Variants in MERTK observed in about 807,000 individuals in gnomAD.
MERTK encodes the protein MER proto-oncogene, tyrosine kinase, also known as tyrosine-protein kinase Mer.
A neutral mutation model predicts 99.3 loss-of-function variants in MERTK; 69 were observed. The observed-to-expected ratio is 0.70, with a 90% CI of 0.57 to 0.85. MERTK has a LOEUF of 0.85. Among genes scored for constraint, MERTK ranks in the 40% least tolerant of loss-of-function variants. The pLI is 0.00. For missense variants in MERTK, 1,125 were observed against 1,249.4 expected (o/e 0.90, Z 1.50); for synonymous variants, 426 against 467.6 (o/e 0.91, Z 1.15).
chr2:111,997,537 AT>A, intron 10 of MERTK, 61 bp downstream of exon 10: 1 of 1,581,374 alleles, frequency 6.3e-7, no homozygotes, highest in South Asian at 1.1e-5. Flanking sequence ...ATACCAAGTG[AT>A]TATGCCTTTC....
intron 2 of MERTK, among the ~76,000 whole-genome samples, chr2:111,935,132 T>C (rs1432538868): frequency 2.0e-5 from 3 of 152,204 alleles, no homozygotes; most frequent in Non-Finnish European, 4.4e-5. Flanking sequence ...AATAGAGATA[T>C]TGTAAAAATC....
intron 8 of MERTK, among the ~76,000 whole-genome samples, chr2:111,990,945 A>T (rs1296710724): frequency 6.6e-6 from 1 of 152,066 alleles, no homozygotes; most frequent in African/African-American, 2.4e-5. Flanking sequence ...TTATTTTGAG[A>T]TGATTCTCTC....
At chr2:111,921,053 G>A (rs1323068599) in intron 1 of MERTK, among the ~76,000 whole-genome samples, 1 of 152,186 alleles carries the variant, frequency 6.6e-6, no homozygotes, top group Admixed American at 6.5e-5. Context: ...CTAGCTGTGG[G>A]GGTAAAGGGA....
At chr2:111,942,135 C>G (rs1362309223) in intron 2 of MERTK, among the ~76,000 whole-genome samples, 2 of 152,222 alleles carry the variant, frequency 1.3e-5, no homozygotes, top group African/African-American at 4.8e-5. Flanking sequence ...AGCTGCAAGC[C>G]TGCTGCCACT....
At chr2:111,993,941 G>T (rs1676682541) in intron 8 of MERTK, among the ~76,000 whole-genome samples, 1 of 152,170 alleles carries the variant, frequency 6.6e-6, no homozygotes, top group Admixed American at 6.5e-5. Flanking sequence ...GAGGAGTCAG[G>T]CTTGCTCTGC....
intron 1 of MERTK, among the ~76,000 whole-genome samples, chr2:111,913,688 C>T (rs1684293442): frequency 1.3e-5 from 2 of 152,104 alleles, no homozygotes; most frequent in South Asian, 2.1e-4. Flanking sequence ...GGATTACAGG[C>T]GCATGCCACC....
chr2:112,000,013 G>C (rs1341055931), intron 10 of MERTK, among the ~76,000 whole-genome samples: 2 of 152,066 alleles, frequency 1.3e-5, no homozygotes, highest in Admixed American at 6.6e-5. Context: ...TCGCAAGGGT[G>C]GGGGAATACC....
At position 111,928,777 on chromosome 2, in the gene MERTK, C is replaced by T. The variant is rs114927036; in HGVS notation, c.62-343C>T. 6.5e-3 allele frequency among the ~76,000 whole-genome samples: 988 copies of T among 152,304 alleles called. 13 individuals are homozygous for T. Among genetic ancestry groups the T allele is most frequent in the African/African-American group, 0.023 (946 of 41,556 alleles). ...CCAAGATTACAGGTGTGAGCCACCGCGCCTGGCCAAGAAAAGTGACCTTGA... is the reference window on the plus strand; with the variant it reads ...CCAAGATTACAGGTGTGAGCCACCGTGCCTGGCCAAGAAAAGTGACCTTGA... On this transcript the variant is annotated intron_variant, in intron 1 of 18. Transcript: ENST00000295408.
rs561402637 is a variant in MERTK, at chr2:111,940,201, C to T, written c.483-4759C>T. ...ACTCAATTTTCTGGGATTCCTCCCC[C>T]GAGAATGTGATATATTGATTTCCAA... On this transcript the variant is annotated intron_variant, in intron 2 of 18. Transcript: ENST00000295408. 7 of 199,420 alleles carry T rather than the reference C, an allele frequency of 3.5e-5. No homozygotes were observed. In the South Asian group the frequency reaches 6.5e-4, roughly 18 times the overall value. The allele number at this position is 199,420 out of a possible 1,614,324, so 12.4% of individuals were successfully genotyped here. A position where few individuals can be genotyped will look rare whatever the true frequency, so the allele number is the denominator to read the frequency against.
intron 10 of MERTK, among the ~76,000 whole-genome samples, chr2:112,000,269 C>T (rs1676842861): frequency 6.6e-6 from 1 of 152,234 alleles, no homozygotes; most frequent in African/African-American, 2.4e-5. Flanking sequence ...ACATTTGTTA[C>T]AGTTAATGAG....
At chr2:111,941,957 G>A (rs1684873242) in intron 2 of MERTK, among the ~76,000 whole-genome samples, 1 of 152,194 alleles carries the variant, frequency 6.6e-6, no homozygotes, top group Non-Finnish European at 1.5e-5. Flanking sequence ...TCCAGGGTGA[G>A]CTGCCAGACG....
intron 1 of MERTK, among the ~76,000 whole-genome samples, chr2:111,911,550 A>T (rs1311222925): frequency 6.6e-6 from 1 of 151,732 alleles, no homozygotes; most frequent in East Asian, 2.0e-4. Flanking sequence ...CACCATGCCC[A>T]GCTAATTTTT....
intron 7 of MERTK, 61 bp downstream of exon 7, chr2:111,975,533 CCCAGTGG>C: frequency 6.4e-7 from 1 of 1,554,702 alleles, no homozygotes; most frequent in Non-Finnish European, 8.9e-7. Flanking sequence ...ACAAACCCTT[CCCAGTGG>C]CCTGACTGAG....
At chr2:111,963,269 G>A (rs1685287468) in intron 4 of MERTK, among the ~76,000 whole-genome samples, 1 of 152,324 alleles carries the variant, frequency 6.6e-6, no homozygotes, top group Non-Finnish European at 1.5e-5. Context: ...ACATACAATG[G>A]GGTTTTATAC....
chr2:111,916,236 G>A (rs1188905676), intron 1 of MERTK, among the ~76,000 whole-genome samples: 5 of 151,882 alleles, frequency 3.3e-5, no homozygotes, highest in South Asian at 4.2e-4. Flanking sequence ...AAGCAATTCC[G>A]CCCACCTTGG....
chr2:111,899,373 G>C (rs1443273598), intron 1 of MERTK, among the ~76,000 whole-genome samples: 1 of 152,214 alleles, frequency 6.6e-6, no homozygotes, highest in East Asian at 1.9e-4. Flanking sequence ...GGGCCCTTAC[G>C]GGCATTATTA....
chr2:111,937,789 A>G (rs1684789923), intron 2 of MERTK, among the ~76,000 whole-genome samples: 1 of 152,272 alleles, frequency 6.6e-6, no homozygotes, highest in African/African-American at 2.4e-5. Context: ...ACTTCCTTTC[A>G]GCTCGAACTT....
chr2:111,965,051 C>A, intron 4 of MERTK, 140 bp from the exon 5 acceptor site: 1 of 798,732 alleles, frequency 1.3e-6, no homozygotes, highest in African/African-American at 1.7e-5. Flanking sequence ...CCATAGCTAG[C>A]ACACCTTTTA....
intron 2 of MERTK, among the ~76,000 whole-genome samples, chr2:111,935,396 G>A (rs533697935): frequency 1.3e-5 from 2 of 152,284 alleles, no homozygotes; most frequent in East Asian, 1.9e-4. Context: ...TGTCCCTGAC[G>A]TATTAATTTA....
Sources: allele counts gnomAD v4.1 joint callset (sites outside exome capture counted in the v4.1 genomes callset), GRCh38; gene constraint gnomAD v4.1.1; transcripts MANE v1.5; gene names NCBI Gene and HGNC (gene_info 2026-07-23, HGNC 2026-07-21).